The following KCNMB2 variants were observed in gnomAD, a reference collection of about 807,000 sequenced individuals.
KCNMB2 encodes potassium calcium-activated channel subfamily M regulatory beta subunit 2.
Under a neutral mutation model 24.5 loss-of-function variants are expected in KCNMB2, and 9 were observed. That is an observed-to-expected ratio of 0.37 (90% CI 0.22 to 0.64). The LOEUF (loss-of-function observed/expected upper bound fraction) is 0.64, where lower values mean the gene tolerates loss of function less well. Among genes scored for constraint, KCNMB2 ranks in the 30% least tolerant of loss-of-function variants. KCNMB2 has a pLI of 0.63. For synonymous variants in KCNMB2, 109 were observed against 104.4 expected (o/e 1.04, Z -0.27); for missense variants, 226 against 284.3 (o/e 0.79, Z 1.47).
At chr3:178,557,390 A>G (rs1339047083) in intron 1 of KCNMB2, among the ~76,000 whole-genome samples, 1 of 152,198 alleles carries the variant, frequency 6.6e-6, no homozygotes, top group Admixed American at 6.5e-5. Context: ...AAACATTTAG[A>G]AAGACTTTGA....
chr3:178,770,071 T>C (rs552208880), intron 1 of KCNMB2, among the ~76,000 whole-genome samples: 3 of 152,346 alleles, frequency 2.0e-5, no homozygotes, highest in Admixed American at 1.3e-4. Context: ...AACTATCCTA[T>C]GCAAATCTTG....
chr3:178,590,903 C>A (rs184066746), intron 1 of KCNMB2, among the ~76,000 whole-genome samples: 6 of 152,202 alleles, frequency 3.9e-5, no homozygotes, highest in African/African-American at 1.2e-4. Flanking sequence ...AATTCTTTTT[C>A]CCCCAAACAT....
At chr3:178,725,094 T>C (rs1325571221) in intron 1 of KCNMB2, among the ~76,000 whole-genome samples, 1 of 152,162 alleles carries the variant, frequency 6.6e-6, no homozygotes, top group Non-Finnish European at 1.5e-5. Context: ...AATCTGTATA[T>C]TGCTTTGGCA....
intron 1 of KCNMB2, among the ~76,000 whole-genome samples, chr3:178,602,626 C>T (rs1487690179): frequency 1.3e-5 from 2 of 151,878 alleles, no homozygotes; most frequent in Non-Finnish European, 2.9e-5. Flanking sequence ...AGGAGCCAGC[C>T]AGGTGGAAAG....
intron 1 of KCNMB2, among the ~76,000 whole-genome samples, chr3:178,663,953 A>G (rs895439881): frequency 3.9e-5 from 6 of 152,154 alleles, no homozygotes; most frequent in Non-Finnish European, 7.4e-5. Context: ...TATGGCAATG[A>G]AACATACAAG....
chr3:178,803,987 A>G (rs572620754), intron 1 of KCNMB2, among the ~76,000 whole-genome samples: 2 of 152,200 alleles, frequency 1.3e-5, no homozygotes, highest in Non-Finnish European at 2.9e-5. Context: ...ACTCATCTGC[A>G]GTTACATAGG....
chr3:178,719,764 T>C (rs1722733904), intron 1 of KCNMB2, among the ~76,000 whole-genome samples: 1 of 152,182 alleles, frequency 6.6e-6, no homozygotes, highest in Non-Finnish European at 1.5e-5. Context: ...CTTTTTTTGG[T>C]GTTTGATTCT....
At chr3:178,665,231 T>A (rs1720676024) in intron 1 of KCNMB2, among the ~76,000 whole-genome samples, 1 of 152,158 alleles carries the variant, frequency 6.6e-6, no homozygotes, top group Non-Finnish European at 1.5e-5. Context: ...AGGATTCATT[T>A]GAGAGAGAAG....
At chr3:178,718,918 C>T (rs1722707380) in intron 1 of KCNMB2, among the ~76,000 whole-genome samples, 1 of 152,082 alleles carries the variant, frequency 6.6e-6, no homozygotes. Context: ...GAGATCTATC[C>T]CATCACAGAA....
intron 1 of KCNMB2, among the ~76,000 whole-genome samples, chr3:178,779,026 G>A (rs775832711): frequency 3.3e-5 from 5 of 152,284 alleles, no homozygotes; most frequent in Middle Eastern, 3.4e-3. Context: ...GCACCATCTC[G>A]TATTGATACT....
intron 1 of KCNMB2, among the ~76,000 whole-genome samples, chr3:178,717,363 C>T (rs531017406): frequency 2.6e-5 from 4 of 152,032 alleles, no homozygotes; most frequent in East Asian, 1.9e-4. Flanking sequence ...TCATACTTTG[C>T]GTCCTTTGAT....
intron 2 of KCNMB2, among the ~76,000 whole-genome samples, chr3:178,811,288 G>A (rs151091428): frequency 6.6e-6 from 1 of 152,136 alleles, no homozygotes; most frequent in African/African-American, 2.4e-5. Context: ...CAGAATTTTT[G>A]AAGCCCTTGA....
intron 1 of KCNMB2, among the ~76,000 whole-genome samples, chr3:178,657,440 G>A (rs1340233191): frequency 1.3e-5 from 2 of 152,220 alleles, no homozygotes; most frequent in Non-Finnish European, 2.9e-5. Context: ...CCTTGTTCAA[G>A]CTATGCCATC....
chr3:178,812,522 T>G (rs976097736), intron 2 of KCNMB2, among the ~76,000 whole-genome samples: 32 of 151,922 alleles, frequency 2.1e-4, no homozygotes, highest in African/African-American at 7.3e-4. Flanking sequence ...ATTAACAATT[T>G]TTGGAACACT....
rs1219832329 is a variant in KCNMB2 at position 178,569,363 on chromosome 3, CATGT to C, written c.-68+32654_-68+32657del. Among the ~76,000 whole-genome samples, 227 of 152,266 alleles carry C rather than the reference CATGT, an allele frequency of 1.5e-3. 2 individuals carry two copies. The highest frequency in any genetic ancestry group is 5.3e-3 in the African/African-American group (221 of 41,554). On this transcript the variant is annotated intron_variant, in intron 1 of 4. Transcript: ENST00000452583. ...CACATTCTAATTTACCACCTCGGTT[CATGT>C]AACCACATCTGCGGTGTAGAGGGGC...
chr3:178,604,464 A>G (rs1477776), intron 1 of KCNMB2, among the ~76,000 whole-genome samples: 36,046 of 151,884 alleles, frequency 0.24, 4,896 homozygotes, highest in East Asian at 0.42. Flanking sequence ...CATGCAGCCA[A>G]CAGCATTTCA....
intron 1 of KCNMB2, among the ~76,000 whole-genome samples, chr3:178,672,327 A>AT (rs1720927964): frequency 2.0e-5 from 3 of 152,212 alleles, no homozygotes; most frequent in Admixed American, 6.5e-5. Flanking sequence ...GGAAATGGCC[A>AT]TAAGTGTCTT....
In KCNMB2 at chr3:178,843,525, A is replaced by G. The variant is rs1266400244; in HGVS notation, c.*588A>G. 1.6e-5 allele frequency: 3 copies of G among 184,306 alleles called. No individual in the cohort carries two copies. The highest frequency in any genetic ancestry group is 3.4e-5 in the Non-Finnish European group (3 of 86,988). The allele number at this position is 184,306 out of a possible 1,614,324, so 11.4% of individuals were successfully genotyped here. On this transcript the variant is annotated 3_prime_UTR_variant, in exon 5 of 5. Transcript: ENST00000452583. ...TTATTCATAACTTCAGATTTGTAAAACTAATTTCCAAAATATAAGCTGTTT... is the reference window on the plus strand; with the variant it reads ...TTATTCATAACTTCAGATTTGTAAAGCTAATTTCCAAAATATAAGCTGTTT...
At chr3:178,768,948 C>T (rs1161828406) in intron 1 of KCNMB2, among the ~76,000 whole-genome samples, 1 of 140,542 alleles carries the variant, frequency 7.1e-6, no homozygotes, top group East Asian at 2.0e-4. Flanking sequence ...AATGTACCAA[C>T]ATTGCACGGT....
Sources: allele counts gnomAD v4.1 joint callset (sites outside exome capture counted in the v4.1 genomes callset), GRCh38; gene constraint gnomAD v4.1.1; transcripts MANE v1.5; gene names NCBI Gene and HGNC (gene_info 2026-07-23, HGNC 2026-07-21).